FBXL2: variants seen among roughly 807,000 people sequenced by gnomAD.
The protein encoded by FBXL2 is F-box and leucine rich repeat protein 2.
In FBXL2, 38 loss-of-function variants were observed where a neutral mutation model predicts 69.2. That is an observed-to-expected ratio of 0.55 (90% confidence interval 0.42 to 0.72). The LOEUF is 0.72. Ranked by LOEUF, FBXL2 falls within the 30% of genes least tolerant of loss-of-function variation. The pLI, the probability that FBXL2 is intolerant of heterozygous loss-of-function variation, is 0.00. For synonymous variants in FBXL2, 192 were observed against 201.3 expected, an observed-to-expected ratio of 0.95 and a Z score of 0.39; for missense variants, 354 against 520.3, an observed-to-expected ratio of 0.68 and a Z score of 3.11.
Position 33,303,144 on chromosome 3 carries a change from C to T in FBXL2, c.65+5419C>T, listed in dbSNP as rs79916908. On this transcript the variant is annotated intron_variant, in intron 2 of 14. Transcript: ENST00000484457. ...TCTGTGGTGCCTGCTGCCTTATATACCAGGGCATCCTAACAGGTAAGATGC... is the reference window on the plus strand; with the variant it reads ...TCTGTGGTGCCTGCTGCCTTATATATCAGGGCATCCTAACAGGTAAGATGC... The T allele has an allele frequency of 4.9e-3, 2,248 of 456,606 alleles. 33 individuals carry two copies. Among genetic ancestry groups the T allele is most frequent in the African/African-American group, 0.039 (1,961 of 50,148 alleles). The allele number at this position is 456,606 out of a possible 1,614,324, so 28.3% of individuals were successfully genotyped here.
At chr3:33,412,011 AC>A in the FBXL2 span, among the ~76,000 whole-genome samples, 20 of 152,060 alleles carry the variant, frequency 1.3e-4, no homozygotes, top group African/African-American at 4.8e-4. Flanking sequence ...ACATGGTGAA[AC>A]CCCGTCTCTA....
chr3:33,403,095 T>A, intron 12 of FBXL2: 1 of 543,072 alleles, frequency 1.8e-6, no homozygotes, highest in Non-Finnish European at 3.3e-6. Context: ...GCTGTGTGCG[T>A]CTAGACACTG....
At chr3:33,390,086 C>T (rs902441926), downstream of FBXL2, 10 of 466,692 alleles carry the variant, frequency 2.1e-5, no homozygotes, top group South Asian at 5.1e-4. Context: ...GCTATGCCTG[C>T]ACCGTGGCCT....
chr3:33,294,961 C>A (rs979853696), intron 1 of FBXL2, among the ~76,000 whole-genome samples: 1 of 152,004 alleles, frequency 6.6e-6, no homozygotes, highest in Non-Finnish European at 1.5e-5. Flanking sequence ...TAGGCACTTA[C>A]TAAATATTAG....
chr3:33,419,104 A>T, the FBXL2 span, among the ~76,000 whole-genome samples: 2 of 152,320 alleles, frequency 1.3e-5, no homozygotes, highest in Non-Finnish European at 1.5e-5. Flanking sequence ...TAACAGAAAG[A>T]AGAGTTGAGG....
At chr3:33,412,855 C>T in the FBXL2 span, 5 of 1,454,974 alleles carry the variant, frequency 3.4e-6, no homozygotes, top group Non-Finnish European at 4.8e-6. Context: ...AAAATGAGTA[C>T]TTTTAAACTG....
At position 33,373,032 on chromosome 3, in the gene FBXL2, A is replaced by T; in HGVS notation, c.291-60A>T. On this transcript the variant is annotated intron_variant, in intron 5 of 14. Coordinates refer to ENST00000484457, the MANE Select transcript of FBXL2 (RefSeq NM_012157.5). ...CTGTTCTAAGCGTGAATGGTTTCAT[A>T]TGCCCTCTAGTGGCTGTCCAGCAAC... 4 of 1,411,080 alleles carry T rather than the reference A, an allele frequency of 2.8e-6. No individual in the cohort carries two copies. The South Asian group carries it at 3.5e-5, about 12-fold the overall frequency. 87.4% of individuals were successfully genotyped at this position (1,411,080 alleles called of 1,614,324 possible).
In FBXL2 at chr3:33,385,632, G is replaced by A. The variant is rs2154052644; in HGVS notation, c.*24G>A. The A allele has an allele frequency of 1.3e-6, 2 of 1,583,022 alleles. No individual in the cohort carries two copies. The highest frequency in any genetic ancestry group is 1.7e-4 in the Middle Eastern group (1 of 6,010). On this transcript the variant is annotated 3_prime_UTR_variant, in exon 15 of 15. Coordinates refer to ENST00000484457, the MANE Select transcript of FBXL2 (RefSeq NM_012157.5). ...GACAGCAGCTGCCTGGGCCCAAGGG[G>A]TGATGAGGCATCCTTTCCTCTAGAA...
At chr3:33,288,664 A>G (rs911631322) in intron 1 of FBXL2, among the ~76,000 whole-genome samples, 2 of 152,218 alleles carry the variant, frequency 1.3e-5, no homozygotes, top group African/African-American at 4.8e-5. Context: ...ATGAACAGCA[A>G]GAAAACCAGT....
chr3:33,377,953 C>T, intron 11 of FBXL2, 150 bp from the exon 12 acceptor site: 1 of 735,950 alleles, frequency 1.4e-6, no homozygotes, highest in Admixed American at 2.1e-5. Context: ...TTCAGAAGTG[C>T]TGGTTTACTG....
chr3:33,376,156 CAAAA>C (rs759277673), intron 10 of FBXL2, among the ~76,000 whole-genome samples: 1 of 136,576 alleles, frequency 7.3e-6, no homozygotes, highest in Non-Finnish European at 1.6e-5. Flanking sequence ...GACCCCATCT[CAAAA>C]AAAAAAACAA....
At chr3:33,400,865 A>G in intron 12 of FBXL2, 1 of 1,218,032 alleles carries the variant, frequency 8.2e-7, no homozygotes, top group Non-Finnish European at 1.2e-6. Flanking sequence ...TACATGTAAC[A>G]AAACTTCTCA....
At chr3:33,312,828 T>C (rs1160887405) in intron 2 of FBXL2, among the ~76,000 whole-genome samples, 1 of 152,118 alleles carries the variant, frequency 6.6e-6, no homozygotes, top group South Asian at 2.1e-4. Context: ...ACTGCAGTTA[T>C]TGAAATGATA....
intron 12 of FBXL2, chr3:33,400,093 T>C (rs2044164308): frequency 4.1e-6 from 3 of 723,518 alleles, no homozygotes; most frequent in Middle Eastern, 2.8e-4. Flanking sequence ...TTCCTATCCA[T>C]AGTTATTTCA....
chr3:33,322,782 TTTA>T (rs1367053851), intron 2 of FBXL2, among the ~76,000 whole-genome samples: 1 of 152,190 alleles, frequency 6.6e-6, no homozygotes, highest in Admixed American at 6.5e-5. Flanking sequence ...ATCATACTGT[TTTA>T]TTATAAGGTG....
At chr3:33,367,998 C>T (rs2042060630) in intron 5 of FBXL2, among the ~76,000 whole-genome samples, 1 of 152,084 alleles carries the variant, frequency 6.6e-6, no homozygotes, top group African/African-American at 2.4e-5. Flanking sequence ...ATTTAGTTTC[C>T]AAATATTTGG....
intron 2 of FBXL2, among the ~76,000 whole-genome samples, chr3:33,299,184 G>A (rs947976220): frequency 2.6e-5 from 4 of 151,990 alleles, no homozygotes; most frequent in Non-Finnish European, 5.9e-5. Flanking sequence ...TGGGATTACA[G>A]GCATGTGTCA....
At chr3:33,353,532 G>A (rs1161928436) in intron 2 of FBXL2, among the ~76,000 whole-genome samples, 1 of 152,194 alleles carries the variant, frequency 6.6e-6, no homozygotes, top group Non-Finnish European at 1.5e-5. Context: ...AGTCTGAACG[G>A]TTACGTAGTG....
intron 2 of FBXL2, among the ~76,000 whole-genome samples, chr3:33,352,517 A>G (rs2040895215): frequency 1.3e-5 from 2 of 152,254 alleles, no homozygotes; most frequent in Admixed American, 1.3e-4. Flanking sequence ...AAGAGAATGA[A>G]AACCACAGAC....
Sources: allele counts gnomAD v4.1 joint callset (sites outside exome capture counted in the v4.1 genomes callset), GRCh38; gene constraint gnomAD v4.1.1; transcripts MANE v1.5; gene names NCBI Gene and HGNC (gene_info 2026-07-23, HGNC 2026-07-21).